Variants in MAPRE2 observed in about 807,000 individuals in gnomAD.
The protein encoded by MAPRE2 is microtubule associated protein RP/EB family member 2, also known as microtubule-associated protein RP/EB family member 2.
A neutral mutation model predicts 43.2 loss-of-function variants in MAPRE2; 13 were observed. The observed-to-expected ratio is 0.30, with a 90% CI of 0.20 to 0.48. The LOEUF (loss-of-function observed/expected upper bound fraction) is 0.48, where lower values mean the gene tolerates loss of function less well. Ranked by LOEUF, MAPRE2 falls within the 20% of genes least tolerant of loss-of-function variation. The probability of loss-of-function intolerance (pLI) is 0.99; values close to 1 mark genes in which losing one functional copy is unlikely to be tolerated. For missense variants in MAPRE2, 161 were observed against 400.2 expected (o/e 0.40, Z 5.10); for synonymous variants, 135 against 148.8 (o/e 0.91, Z 0.68).
chr18:35,037,862 G>T (rs1195701896), upstream of MAPRE2, among the ~76,000 whole-genome samples: 1 of 152,130 alleles, frequency 6.6e-6, no homozygotes, highest in Non-Finnish European at 1.5e-5. Flanking sequence ...TCTGCAAGAT[G>T]GTGTCTGTAG....
rs1271079698 is a variant in MAPRE2 at position 35,113,498 on chromosome 18, A to C, written c.610+11339A>C. ...AAAACTAGAGTGTTTTAAAGCTTAG[A>C]GATCAAAAACTACAGAATGTTGTGA... is the stretch of plus-strand genomic sequence containing the variant. On this transcript the variant is annotated intron_variant, in intron 4 of 6. Transcript: ENST00000300249. 6.6e-5 allele frequency among the ~76,000 whole-genome samples: 10 copies of C among 152,348 alleles called. No individual in the cohort carries two copies. The South Asian group carries it at 2.1e-3, about 32-fold the overall frequency.
chr18:35,032,894 A>T lies in MAPRE2; in HGVS notation c.-8+27341A>T, dbSNP rs2097048512. 2.0e-5 allele frequency among the ~76,000 whole-genome samples: 3 copies of T among 152,176 alleles called. 1 individual carries two copies. In the South Asian group the frequency reaches 6.2e-4, roughly 31 times the overall value. On this transcript the variant is annotated intron_variant, in intron 2 of 7. Coordinates refer to the MAPRE2 transcript ENST00000413393. ...GATGCCTAACAGTTGGTCATTAATT[A>T]ACATATCCTTCCTGTATTGCTGGGA...
chr18:35,036,163 T>A (rs1042348699), intron 2 of MAPRE2, among the ~76,000 whole-genome samples: 2 of 151,938 alleles, frequency 1.3e-5, no homozygotes, highest in Non-Finnish European at 2.9e-5. Flanking sequence ...ACACTTGGGA[T>A]TCATTTGAGA....
chr18:35,129,322 C>G (rs1205885828), intron 5 of MAPRE2, among the ~76,000 whole-genome samples: 1 of 152,142 alleles, frequency 6.6e-6, no homozygotes, highest in Non-Finnish European at 1.5e-5. Context: ...GCCCCACAGG[C>G]ATCATGGTGT....
chr18:35,046,328 T>C (rs1322253813), intron 1 of MAPRE2, among the ~76,000 whole-genome samples: 1 of 152,202 alleles, frequency 6.6e-6, no homozygotes, highest in East Asian at 1.9e-4. Flanking sequence ...GGTATTTTGC[T>C]TAGTCTGATA....
chr18:35,117,128 A>G (rs538013258), intron 4 of MAPRE2, among the ~76,000 whole-genome samples: 101 of 152,342 alleles, frequency 6.6e-4, no homozygotes, highest in Non-Finnish European at 1.2e-3. Context: ...AAATTGGATG[A>G]TTAATGGGTT....
intron 4 of MAPRE2, among the ~76,000 whole-genome samples, chr18:35,112,514 G>A (rs944349277): frequency 6.6e-6 from 1 of 152,166 alleles, no homozygotes; most frequent in Admixed American, 6.5e-5. Flanking sequence ...TATTAGCATG[G>A]CATCCTTTTG....
chr18:35,137,162 T>A (rs2144260185), intron 6 of MAPRE2, among the ~76,000 whole-genome samples: 1 of 152,354 alleles, frequency 6.6e-6, no homozygotes, highest in Middle Eastern at 3.4e-3. Flanking sequence ...AGGCCAAGCA[T>A]GAGCAATCCA....
At chr18:35,130,466 A>G (rs555055903) in intron 5 of MAPRE2, among the ~76,000 whole-genome samples, 2 of 152,172 alleles carry the variant, frequency 1.3e-5, no homozygotes, top group African/African-American at 2.4e-5. Flanking sequence ...ATGGTTTGCC[A>G]GGTGCACAGG....
intron 2 of MAPRE2, among the ~76,000 whole-genome samples, chr18:35,018,470 C>CT (rs34138902): frequency 0.67 from 99,043 of 147,228 alleles, 34,229 homozygotes; most frequent in East Asian, 0.97. Flanking sequence ...TTGTTTTGGT[C>CT]TTTTTTTTTT....
chr18:35,119,543 A>T (rs1224778556), intron 4 of MAPRE2, among the ~76,000 whole-genome samples: 18 of 152,238 alleles, frequency 1.2e-4, no homozygotes, highest in Admixed American at 1.2e-3. Flanking sequence ...TCCCAGGTAC[A>T]TAATAGGGTT....
intron 1 of MAPRE2, among the ~76,000 whole-genome samples, chr18:35,058,062 A>G (rs895788597): frequency 1.3e-5 from 2 of 152,208 alleles, no homozygotes; most frequent in Admixed American, 6.5e-5. Context: ...TACCTTGCCA[A>G]CTGAACCCAA....
intron 1 of MAPRE2, among the ~76,000 whole-genome samples, chr18:34,980,424 G>A (rs1370349628): frequency 1.3e-5 from 2 of 152,052 alleles, no homozygotes; most frequent in Admixed American, 6.5e-5. Context: ...AGCATCTATT[G>A]TAGCCTGCTT....
At chr18:35,028,508 AT>A (rs1044644031) in intron 2 of MAPRE2, among the ~76,000 whole-genome samples, 3 of 152,200 alleles carry the variant, frequency 2.0e-5, no homozygotes, top group African/African-American at 7.2e-5. Context: ...GGAAGATAAC[AT>A]CCCCCAACCC....
upstream of MAPRE2, chr18:35,041,254 T>C (rs1194500603): frequency 1.6e-6 from 2 of 1,244,496 alleles, no homozygotes; most frequent in South Asian, 1.7e-5. Context: ...GCTGCTGGCG[T>C]GGTCACGCCG....
At chr18:35,016,823 C>T (rs1230582472) in intron 2 of MAPRE2, among the ~76,000 whole-genome samples, 5 of 151,802 alleles carry the variant, frequency 3.3e-5, no homozygotes, top group African/African-American at 7.3e-5. Context: ...GTCCCATCAT[C>T]AATTTTTGTT....
chr18:35,001,142 A>G (rs553474441), intron 1 of MAPRE2, among the ~76,000 whole-genome samples: 1 of 152,334 alleles, frequency 6.6e-6, no homozygotes, highest in East Asian at 1.9e-4. Flanking sequence ...TATGCAAATA[A>G]ATGTGGACAT....
At chr18:35,041,358 A>G (rs568711953), upstream of MAPRE2, 41 of 1,447,674 alleles carry the variant, frequency 2.8e-5, no homozygotes, top group African/African-American at 7.1e-5. Context: ...CGGCGCTCTG[A>G]CGTCAGCTGC....
rs536829263 is a variant in MAPRE2, at chr18:34,980,522, G to A, written c.-70+3443G>A. Among the ~76,000 whole-genome samples, 142 of 152,198 alleles carry A rather than the reference G, an allele frequency of 9.3e-4. 1 individual carries two copies. Among genetic ancestry groups the A allele is most frequent in the African/African-American group, 3.2e-3 (133 of 41,536 alleles). On this transcript the variant is annotated intron_variant, in intron 1 of 7. Transcript: ENST00000413393. The stretch of plus-strand genomic sequence containing the variant: ...TGTTAGTTATTGATACTGCTTGTTC[G>A]TACTGAAGAGTATCAAAAGGTGGGG...
Sources: allele counts gnomAD v4.1 joint callset (sites outside exome capture counted in the v4.1 genomes callset), GRCh38; gene constraint gnomAD v4.1.1; transcripts MANE v1.5; gene names NCBI Gene and HGNC (gene_info 2026-07-23, HGNC 2026-07-21).